PDE4D: variants seen among roughly 807,000 people sequenced by gnomAD.
The protein encoded by PDE4D is phosphodiesterase 4D.
In PDE4D, 24 loss-of-function variants were observed where a neutral mutation model predicts 87.4. The ratio of observed to expected loss-of-function variants is 0.27; its 90% CI spans 0.20 to 0.39. The LOEUF (loss-of-function observed/expected upper bound fraction) is 0.39. PDE4D is among the 10% of genes least tolerant of loss of function. PDE4D has a pLI of 1.00. For missense variants in PDE4D, 714 were observed against 1,041.0 expected (o/e 0.69, Z 4.32); for synonymous variants, 384 against 383.2 (o/e 1.00, Z -0.02).
intron 1 of PDE4D, among the ~76,000 whole-genome samples, chr5:59,577,190 G>A (rs763583588): frequency 1.3e-5 from 2 of 152,150 alleles, no homozygotes; most frequent in African/African-American, 2.4e-5. Context: ...AAATGTATAG[G>A]TTGCATATGG....
intron 1 of PDE4D, among the ~76,000 whole-genome samples, chr5:59,520,643 C>T (rs539844063): frequency 6.6e-6 from 1 of 151,800 alleles, no homozygotes; most frequent in East Asian, 1.9e-4. Context: ...AGGAAAGAGG[C>T]CAAGTTTCAT....
chr5:59,078,579 G>A (rs909076966), intron 5 of PDE4D, among the ~76,000 whole-genome samples: 16 of 150,684 alleles, frequency 1.1e-4, no homozygotes, highest in African/African-American at 3.7e-4. Flanking sequence ...CATGATCATA[G>A]CTCACTGTGG....
intron 1 of PDE4D, among the ~76,000 whole-genome samples, chr5:60,185,948 A>AC (rs1784746306): frequency 6.6e-6 from 1 of 151,880 alleles, no homozygotes; most frequent in South Asian, 2.1e-4. Context: ...AAAAAAAAAA[A>AC]AACAGATATG....
intron 1 of PDE4D, among the ~76,000 whole-genome samples, chr5:59,549,412 T>C (rs931326514): frequency 1.3e-5 from 2 of 152,182 alleles, no homozygotes; most frequent in Non-Finnish European, 2.9e-5. Flanking sequence ...AGAGTGACAT[T>C]CGTTTGATTA....
intron 2 of PDE4D, among the ~76,000 whole-genome samples, chr5:60,065,848 C>T (rs1017291287): frequency 1.3e-5 from 2 of 152,086 alleles, no homozygotes; most frequent in Non-Finnish European, 2.9e-5. Flanking sequence ...TGGACATTTA[C>T]ATTGGTTCCA....
intron 2 of PDE4D, among the ~76,000 whole-genome samples, chr5:60,072,848 C>T (rs1217327152): frequency 6.6e-6 from 1 of 152,032 alleles, no homozygotes; most frequent in Non-Finnish European, 1.5e-5. Context: ...TTTCACTGGT[C>T]ATGTTTCTGT....
intron 3 of PDE4D, among the ~76,000 whole-genome samples, chr5:59,923,421 G>C (rs534393594): frequency 1.3e-5 from 2 of 152,188 alleles, no homozygotes; most frequent in Non-Finnish European, 2.9e-5. Context: ...TGCTGTGTTG[G>C]CTTCAGGTCT....
chr5:59,509,391 A>C (rs1809870491), intron 1 of PDE4D, among the ~76,000 whole-genome samples: 3 of 150,322 alleles, frequency 2.0e-5, no homozygotes, highest in Admixed American at 2.0e-4. Flanking sequence ...CTTCTAAAAG[A>C]CATTTTTAAA....
intron 1 of PDE4D, among the ~76,000 whole-genome samples, chr5:60,272,979 C>T (rs1004133114): frequency 1.8e-4 from 28 of 152,174 alleles, no homozygotes; most frequent in Admixed American, 4.6e-4. Flanking sequence ...CACTTATTTA[C>T]CATGGCAGGT....
intron 1 of PDE4D, among the ~76,000 whole-genome samples, chr5:59,420,194 C>T (rs1794254077): frequency 6.6e-6 from 1 of 152,146 alleles, no homozygotes; most frequent in Non-Finnish European, 1.5e-5. Context: ...TAAAATTTCT[C>T]AATAGCTTAG....
chr5:59,337,329 C>A (rs951849793), intron 1 of PDE4D, among the ~76,000 whole-genome samples: 8 of 133,502 alleles, frequency 6.0e-5, no homozygotes, highest in Non-Finnish European at 1.1e-4. Context: ...AAGTTCCCCC[C>A]CCCCCACCTT....
chr5:59,405,097 AT>A (rs57029255), intron 1 of PDE4D, among the ~76,000 whole-genome samples: 1 of 151,440 alleles, frequency 6.6e-6, no homozygotes, highest in Non-Finnish European at 1.5e-5. Context: ...ATTTTAAGAT[AT>A]TTTTCTATAT....
At chr5:59,722,325 T>C (rs1755959834) in intron 1 of PDE4D, among the ~76,000 whole-genome samples, 1 of 152,218 alleles carries the variant, frequency 6.6e-6, no homozygotes, top group Admixed American at 6.5e-5. Context: ...TTCAGTTAAA[T>C]TACATTCATC....
chr5:60,451,550 T>C (rs1250923071), intron 1 of PDE4D, among the ~76,000 whole-genome samples: 1 of 152,072 alleles, frequency 6.6e-6, no homozygotes, highest in Non-Finnish European at 1.5e-5. Context: ...TAGGACGTCA[T>C]AATAGATGTC....
intron 1 of PDE4D, among the ~76,000 whole-genome samples, chr5:59,767,616 T>G (rs1054352330): frequency 6.6e-6 from 1 of 152,164 alleles, no homozygotes; most frequent in East Asian, 1.9e-4. Flanking sequence ...CAAAATGTTC[T>G]AACAATCCAA....
chr5:59,547,817 AC>A (rs1216137783), intron 1 of PDE4D, among the ~76,000 whole-genome samples: 7 of 152,024 alleles, frequency 4.6e-5, no homozygotes, highest in African/African-American at 1.5e-4. Flanking sequence ...GATGGAACTG[AC>A]CTCCACAACC....
intron 1 of PDE4D, among the ~76,000 whole-genome samples, chr5:59,537,297 G>C (rs567350983): frequency 2.2e-4 from 33 of 152,310 alleles, no homozygotes; most frequent in Admixed American, 1.0e-3. Flanking sequence ...TCACATAGAA[G>C]CTTTCCAGTT....
At chr5:60,190,450 AAT>A (rs1352880451) in intron 1 of PDE4D, among the ~76,000 whole-genome samples, 1 of 152,234 alleles carries the variant, frequency 6.6e-6, no homozygotes, top group East Asian at 1.9e-4. Context: ...TAAAGATGAC[AAT>A]AGAGATTTCC....
At chr5:59,901,863 A>G (rs971614581) in intron 3 of PDE4D, among the ~76,000 whole-genome samples, 4 of 151,916 alleles carry the variant, frequency 2.6e-5, no homozygotes, top group Non-Finnish European at 5.9e-5. Flanking sequence ...AAACATTCAC[A>G]TACACTACAA....
Sources: allele counts gnomAD v4.1 joint callset (sites outside exome capture counted in the v4.1 genomes callset), GRCh38; gene constraint gnomAD v4.1.1; transcripts MANE v1.5; gene names NCBI Gene and HGNC (gene_info 2026-07-23, HGNC 2026-07-21).